Variants in ULK4 observed in about 807,000 individuals in gnomAD.
ULK4 encodes inactive serine/threonine-protein kinase ULK4.
Under a neutral mutation model 160.6 loss-of-function variants are expected in ULK4, and 133 were observed. The observed-to-expected ratio is 0.83, with a 90% CI of 0.72 to 0.96. The LOEUF (loss-of-function observed/expected upper bound fraction) is 0.96. ULK4 is among the 40% of genes least tolerant of loss of function. The probability of loss-of-function intolerance (pLI) is 0.00; values close to 1 mark genes in which losing one functional copy is unlikely to be tolerated. For synonymous variants in ULK4, 534 were observed against 539.8 expected, an observed-to-expected ratio of 0.99 and a Z score of 0.15; for missense variants, 1,580 against 1,499.5, an observed-to-expected ratio of 1.05 and a Z score of -0.89.
At chr3:41,495,627 C>G (rs2084958860) in intron 32 of ULK4, among the ~76,000 whole-genome samples, 1 of 150,622 alleles carries the variant, frequency 6.6e-6, no homozygotes, top group Non-Finnish European at 1.5e-5. Context: ...AAACTACCAT[C>G]AGAGTGAACA....
intron 31 of ULK4, among the ~76,000 whole-genome samples, chr3:41,590,793 A>AT (rs1171546291): frequency 6.6e-6 from 1 of 151,998 alleles, no homozygotes; most frequent in African/African-American, 2.4e-5. Context: ...AAAAAAAAAA[A>AT]ACTCTGAAAA....
intron 21 of ULK4, among the ~76,000 whole-genome samples, chr3:41,772,142 T>G (rs1184383810): frequency 6.6e-6 from 1 of 151,856 alleles, no homozygotes; most frequent in Admixed American, 6.6e-5. Flanking sequence ...ATTGACACCC[T>G]ATCACAATTA....
At chr3:41,436,166 C>T (rs4973947) in intron 34 of ULK4, among the ~76,000 whole-genome samples, 80,669 of 151,950 alleles carry the variant, frequency 0.53, 21,831 homozygotes, top group East Asian at 0.69. Context: ...TATTATAAAA[C>T]AGCTTTGTAT....
intron 19 of ULK4, among the ~76,000 whole-genome samples, chr3:41,801,779 A>T (rs745645911): frequency 6.6e-6 from 1 of 152,104 alleles, no homozygotes; most frequent in Non-Finnish European, 1.5e-5. Flanking sequence ...TGAGCATAGG[A>T]GTTGGAGGTT....
At chr3:41,654,782 A>G (rs1318448450) in intron 30 of ULK4, among the ~76,000 whole-genome samples, 1 of 151,954 alleles carries the variant, frequency 6.6e-6, no homozygotes, top group East Asian at 1.9e-4. Flanking sequence ...AGTTACAAAA[A>G]GAAGAAAGGG....
chr3:41,764,783 G>A (rs779527187), intron 21 of ULK4, among the ~76,000 whole-genome samples: 1 of 152,222 alleles, frequency 6.6e-6, no homozygotes, highest in Non-Finnish European at 1.5e-5. Flanking sequence ...TTAAAATAAA[G>A]TGGAGATAAT....
At chr3:41,699,196 T>C (rs1304473334) in intron 27 of ULK4, among the ~76,000 whole-genome samples, 4 of 152,200 alleles carry the variant, frequency 2.6e-5, no homozygotes, top group African/African-American at 7.2e-5. Flanking sequence ...GGTGTACCAA[T>C]GTACACTCTC....
At chr3:41,288,214 TA>T (rs1163543853) in intron 35 of ULK4, among the ~76,000 whole-genome samples, 9 of 151,410 alleles carry the variant, frequency 5.9e-5, no homozygotes, top group Non-Finnish European at 7.4e-5. Context: ...CTGTGACCAT[TA>T]AAAAAAAATT....
rs2087891425 is a variant in ULK4 at position 41,569,345 on chromosome 3, T to C, written c.3121-3215A>G. Among the ~76,000 whole-genome samples the C allele has an allele frequency of 2.0e-5, 3 of 152,182 alleles. No homozygotes were observed. The South Asian group carries it at 6.2e-4, about 32-fold the overall frequency. On this transcript the variant is annotated intron_variant, in intron 31 of 36. Coordinates refer to ENST00000301831, the MANE Select transcript of ULK4 (RefSeq NM_017886.4). ...TGGTCTTTCAGGTGACAAGCCACCA[T>C]CCTGAAGCTACCCTAGGGGATGCCA...
At chr3:41,490,156 T>TA (rs1398902838) in intron 32 of ULK4, among the ~76,000 whole-genome samples, 2 of 152,186 alleles carry the variant, frequency 1.3e-5, no homozygotes, top group Non-Finnish European at 2.9e-5. Context: ...ACTATATATG[T>TA]AGCTGGTTTA....
At chr3:41,662,181 T>C (rs1389726247) in intron 30 of ULK4, among the ~76,000 whole-genome samples, 1 of 152,166 alleles carries the variant, frequency 6.6e-6, no homozygotes, top group African/African-American at 2.4e-5. Context: ...CCCTTCTGAG[T>C]GAGGAATTTG....
chr3:41,876,034 A>G (rs1027266359), intron 17 of ULK4, among the ~76,000 whole-genome samples: 3 of 152,162 alleles, frequency 2.0e-5, no homozygotes, highest in Non-Finnish European at 4.4e-5. Context: ...GTTTATAGGA[A>G]ATGTGTGGAC....
At chr3:41,557,592 C>T (rs950507924) in intron 32 of ULK4, among the ~76,000 whole-genome samples, 1 of 136,658 alleles carries the variant, frequency 7.3e-6, no homozygotes, top group Admixed American at 7.9e-5. Flanking sequence ...ATAGCAAGAC[C>T]CTGTCTCCAC....
chr3:41,636,351 A>G (rs2033949339), intron 30 of ULK4, among the ~76,000 whole-genome samples: 1 of 152,024 alleles, frequency 6.6e-6, no homozygotes, highest in Non-Finnish European at 1.5e-5. Context: ...CCTGGACAAT[A>G]TGGCAAAACC....
chr3:41,553,605 G>C (rs2087162377), intron 32 of ULK4, among the ~76,000 whole-genome samples: 1 of 152,118 alleles, frequency 6.6e-6, no homozygotes, highest in African/African-American at 2.4e-5. Flanking sequence ...AGATGCTGGA[G>C]AGGATGCAAA....
At chr3:41,418,344 G>C (rs2082578872) in intron 34 of ULK4, among the ~76,000 whole-genome samples, 1 of 131,206 alleles carries the variant, frequency 7.6e-6, no homozygotes, top group Non-Finnish European at 1.6e-5. Flanking sequence ...TAATTTGGCG[G>C]GGGGGGGGGC....
chr3:41,364,510 A>C (rs573174917), intron 35 of ULK4, among the ~76,000 whole-genome samples: 1 of 152,308 alleles, frequency 6.6e-6, no homozygotes, highest in East Asian at 1.9e-4. Context: ...TATTAAATCA[A>C]TATTTTTTTT....
At chr3:41,374,589 T>G (rs894201024) in intron 35 of ULK4, among the ~76,000 whole-genome samples, 1 of 152,040 alleles carries the variant, frequency 6.6e-6, no homozygotes, top group Non-Finnish European at 1.5e-5. Context: ...ATTCAACACC[T>G]CTTCATGCTA....
intron 35 of ULK4, among the ~76,000 whole-genome samples, chr3:41,368,959 G>A (rs1335887023): frequency 6.6e-6 from 1 of 152,002 alleles, no homozygotes; most frequent in East Asian, 1.9e-4. Flanking sequence ...TACCCGCTTT[G>A]CTCCTACCTA....
Sources: allele counts gnomAD v4.1 joint callset (sites outside exome capture counted in the v4.1 genomes callset), GRCh38; gene constraint gnomAD v4.1.1; transcripts MANE v1.5; gene names NCBI Gene and HGNC (gene_info 2026-07-23, HGNC 2026-07-21).